The following ANKFN1 variants were observed in gnomAD, a reference collection of about 807,000 sequenced individuals.
ANKFN1 encodes the protein ankyrin repeat and fibronectin type-III domain-containing protein 1.
A neutral mutation model predicts 108.7 loss-of-function variants in ANKFN1; 74 were observed. The observed-to-expected ratio is 0.68, with a 90% CI of 0.56 to 0.83. ANKFN1 has a LOEUF of 0.83. Ranked by LOEUF, ANKFN1 falls within the 40% of genes least tolerant of loss-of-function variation. The probability of loss-of-function intolerance (pLI) is 0.00; values close to 1 mark genes in which losing one functional copy is unlikely to be tolerated. For missense variants in ANKFN1, 1,505 were observed against 1,382.3 expected, an observed-to-expected ratio of 1.09 and a Z score of -1.41; for synonymous variants, 547 against 516.2, an observed-to-expected ratio of 1.06 and a Z score of -0.81.
intron 20 of ANKFN1, among the ~76,000 whole-genome samples, chr17:56,501,417 T>C (rs906903134): frequency 6.6e-6 from 1 of 152,140 alleles, no homozygotes; most frequent in Non-Finnish European, 1.5e-5. Context: ...TAGAAAGTTA[T>C]TAACAAAGGA....
At chr17:56,070,659 T>G (rs192554322) in intron 4 of ANKFN1, among the ~76,000 whole-genome samples, 1 of 152,116 alleles carries the variant, frequency 6.6e-6, no homozygotes, top group South Asian at 2.1e-4. Flanking sequence ...AGCCAAACCT[T>G]CCTTTTGAGT....
chr17:56,377,000 AAAAG>A (rs568629468), intron 8 of ANKFN1, among the ~76,000 whole-genome samples: 59 of 152,300 alleles, frequency 3.9e-4, no homozygotes, highest in Admixed American at 1.5e-3. Flanking sequence ...TTGTTTGCAA[AAAAG>A]AAAGAAAGAA....
intron 4 of ANKFN1, among the ~76,000 whole-genome samples, chr17:56,136,887 T>C (rs1200816240): frequency 6.6e-6 from 1 of 152,214 alleles, no homozygotes; most frequent in Non-Finnish European, 1.5e-5. Context: ...CTGACCAGAA[T>C]TCTTGCCCTG....
rs1174191600 is a variant in ANKFN1 at position 56,510,569 on chromosome 17, T to A, written c.2741T>A (p.Leu914Gln). ...AGCGATGCCCTGAGCCCCAGAGACCTGGACCTGGTCTACCTATCATCTCAC... is the reference window on the plus strand; with the variant it reads ...AGCGATGCCCTGAGCCCCAGAGACCAGGACCTGGTCTACCTATCATCTCAC... ...DSSDALSPRD[L>Q]DLVYLSSHDI... Residue 914 changes from leucine (L) to glutamine (Q), a missense_variant, in exon 21 of 21, where the codon CTG becomes CAG. Coordinates refer to ENST00000682825, the MANE Select transcript of ANKFN1 (RefSeq NM_001370326.1). 5.9e-6 allele frequency: 9 copies of A among 1,535,908 alleles called. No individual in the cohort carries two copies. The South Asian group carries it at 1.1e-4, about 18-fold the overall frequency.
chr17:56,469,367 T>A (rs745741242), intron 15 of ANKFN1, among the ~76,000 whole-genome samples: 4 of 151,736 alleles, frequency 2.6e-5, no homozygotes, highest in African/African-American at 4.8e-5. Context: ...ATATCAGGAG[T>A]TGGCCCCACC....
chr17:56,150,570 A>T (rs1908539458), upstream of ANKFN1, among the ~76,000 whole-genome samples: 1 of 152,200 alleles, frequency 6.6e-6, no homozygotes, highest in Non-Finnish European at 1.5e-5. Context: ...CCCACAAGTT[A>T]TAAATGCACT....
intron 8 of ANKFN1, among the ~76,000 whole-genome samples, chr17:56,424,965 A>G (rs1212703756): frequency 6.6e-6 from 1 of 152,202 alleles, no homozygotes; most frequent in African/African-American, 2.4e-5. Context: ...TAAATATTAA[A>G]TGAGCAATGA....
intron 8 of ANKFN1, among the ~76,000 whole-genome samples, chr17:56,399,618 C>G (rs1039531236): frequency 6.6e-6 from 1 of 151,784 alleles, no homozygotes; most frequent in Non-Finnish European, 1.5e-5. Context: ...AATCTCTTGT[C>G]CCTCGCCCCT....
intron 3 of ANKFN1, among the ~76,000 whole-genome samples, chr17:56,312,729 T>A (rs2045068854): frequency 6.6e-6 from 1 of 152,240 alleles, no homozygotes; most frequent in Non-Finnish European, 1.5e-5. Context: ...CTAGGCACTA[T>A]GCTAAACCTT....
At chr17:56,251,633 C>T (rs1382573918) in intron 3 of ANKFN1, among the ~76,000 whole-genome samples, 1 of 152,108 alleles carries the variant, frequency 6.6e-6, no homozygotes, top group Non-Finnish European at 1.5e-5. Context: ...GCATCCACCT[C>T]AGAACTGCAC....
intron 3 of ANKFN1, among the ~76,000 whole-genome samples, chr17:56,321,117 A>T (rs2045354395): frequency 6.7e-6 from 1 of 149,730 alleles, no homozygotes; most frequent in African/African-American, 2.5e-5. Context: ...GCACTCCCCC[A>T]CCCCTTTTCT....
intron 4 of ANKFN1, among the ~76,000 whole-genome samples, chr17:56,097,138 A>G (rs1403213607): frequency 6.6e-6 from 1 of 152,202 alleles, no homozygotes; most frequent in African/African-American, 2.4e-5. Context: ...ATCAGGTACT[A>G]TGCTTATTAC....
At chr17:56,147,496 A>G (rs559136914) in intron 4 of ANKFN1, among the ~76,000 whole-genome samples, 1 of 152,320 alleles carries the variant, frequency 6.6e-6, no homozygotes, top group African/African-American at 2.4e-5. Flanking sequence ...AGAAGCAGGC[A>G]CCTTCTTCAC....
rs1354919134 is a variant in ANKFN1, at chr17:56,350,932, A to G, written c.355A>G (p.Arg119Gly). 1 of 1,613,762 alleles carries G rather than the reference A, an allele frequency of 6.2e-7. No homozygotes were observed. The highest frequency in any genetic ancestry group is 8.5e-7 in the Non-Finnish European group (1 of 1,179,850). Reference protein sequence around the residue: ...SSFDEAYFRTRTDRLSLRKTS... With the variant: ...SSFDEAYFRTGTDRLSLRKTS... ...CTTCGATGAGGCCTATTTTAGGACA[A>G]GAACTGATCGGCTGAGTCTCAGGAA... The change falls in exon 5 of 21, where the codon AGA becomes GGA. Residue 119 changes from arginine to glycine, a missense_variant. By Grantham distance (125) the Arg-to-Gly change is moderately radical (BLOSUM62 -2). Coordinates refer to ENST00000682825, the MANE Select transcript of ANKFN1 (RefSeq NM_001370326.1).
At chr17:56,292,443 A>G (rs1253480387) in intron 3 of ANKFN1, among the ~76,000 whole-genome samples, 1 of 152,194 alleles carries the variant, frequency 6.6e-6, no homozygotes, top group Non-Finnish European at 1.5e-5. Flanking sequence ...AACTTGCTCT[A>G]CCAAGAGTGT....
At chr17:56,176,594 C>T (rs966911418) in intron 1 of ANKFN1, among the ~76,000 whole-genome samples, 1 of 152,118 alleles carries the variant, frequency 6.6e-6, no homozygotes, top group Non-Finnish European at 1.5e-5. Flanking sequence ...TCCCTTATTT[C>T]GAATATCGTT....
intron 16 of ANKFN1, among the ~76,000 whole-genome samples, chr17:56,479,060 C>T (rs1421601879): frequency 3.9e-5 from 6 of 152,204 alleles, no homozygotes; most frequent in Non-Finnish European, 5.9e-5. Context: ...AATCAACATT[C>T]GTTATCGCCT....
chr17:56,122,416 T>G (rs1376520498), intron 4 of ANKFN1, among the ~76,000 whole-genome samples: 1 of 152,232 alleles, frequency 6.6e-6, no homozygotes, highest in Non-Finnish European at 1.5e-5. Flanking sequence ...TTTGCTTTTC[T>G]ATGTATATTT....
At chr17:56,185,052 T>C (rs1223038545) in intron 1 of ANKFN1, 1 of 152,228 alleles carries the variant, frequency 6.6e-6, no homozygotes, top group Non-Finnish European at 1.5e-5. Context: ...GTCTTTTTTG[T>C]GGAGAATCCG....
Sources: allele counts gnomAD v4.1 joint callset (sites outside exome capture counted in the v4.1 genomes callset), GRCh38; gene constraint gnomAD v4.1.1; transcripts MANE v1.5; gene names NCBI Gene and HGNC (gene_info 2026-07-23, HGNC 2026-07-21).